Variants in SMYD3 observed in about 807,000 individuals in gnomAD.
SMYD3 encodes histone-lysine N-methyltransferase SMYD3.
In SMYD3, 36 loss-of-function variants were observed where a neutral mutation model predicts 57.7. That is an observed-to-expected ratio of 0.62 (90% CI 0.48 to 0.82). The LOEUF (loss-of-function observed/expected upper bound fraction) is 0.82, where lower values mean the gene tolerates loss of function less well. SMYD3 is among the 40% of genes least tolerant of loss of function. SMYD3 has a pLI of 0.00. For synonymous variants in SMYD3, 211 were observed against 195.0 expected (o/e 1.08, Z -0.68); for missense variants, 515 against 538.8 (o/e 0.96, Z 0.44).
chr1:246,023,280 G>A (rs978251038), intron 5 of SMYD3, among the ~76,000 whole-genome samples: 1 of 152,226 alleles, frequency 6.6e-6, no homozygotes, highest in African/African-American at 2.4e-5. Context: ...GGAGAGCTGT[G>A]TTGGAATGTC....
intron 5 of SMYD3, among the ~76,000 whole-genome samples, chr1:246,224,070 CTGTTT>C (rs2063293315): frequency 1.3e-5 from 2 of 152,054 alleles, no homozygotes; most frequent in African/African-American, 4.8e-5. Flanking sequence ...TTTGGGGGTT[CTGTTT>C]TATCTTTTTT....
intron 1 of SMYD3, among the ~76,000 whole-genome samples, chr1:246,465,217 CTGATGTTTTCT>C (rs1338156460): frequency 6.6e-6 from 1 of 152,210 alleles, no homozygotes; most frequent in Non-Finnish European, 1.5e-5. Context: ...TAAACACCAA[CTGATGTTTTCT>C]TGTCAAATCT....
intron 10 of SMYD3, among the ~76,000 whole-genome samples, chr1:245,839,552 G>A (rs2050291875): frequency 6.6e-6 from 1 of 152,066 alleles, no homozygotes; most frequent in Non-Finnish European, 1.5e-5. Context: ...AAGAGAATGA[G>A]GGGGTGACAG....
chr1:246,393,614 G>C (rs1461635382), intron 1 of SMYD3, among the ~76,000 whole-genome samples: 1 of 149,952 alleles, frequency 6.7e-6, no homozygotes, highest in Non-Finnish European at 1.5e-5. Context: ...CAAAGTAGGA[G>C]GACTGTTTGA....
chr1:245,767,017 T>C (rs1259457286), intron 10 of SMYD3, among the ~76,000 whole-genome samples: 3 of 152,004 alleles, frequency 2.0e-5, no homozygotes, highest in Non-Finnish European at 4.4e-5. Flanking sequence ...ACATAGAGAA[T>C]AAAAATCATG....
In SMYD3 at chr1:245,981,034, G is replaced by C. The variant is rs563071029; in HGVS notation, c.532-51097C>G. Among the ~76,000 whole-genome samples the C allele has an allele frequency of 3.0e-3, 456 of 152,308 alleles. 1 individual carries two copies. The highest frequency in any genetic ancestry group is 9.9e-3 in the African/African-American group (412 of 41,566). On this transcript the variant is annotated intron_variant, in intron 5 of 11. Transcript: ENST00000490107. ...TCACTATCTGACCCTTTAGAGAGAG[G>C]TCTGTTGATCCCTAACTTGGAGTAT... is the stretch of plus-strand genomic sequence containing the variant.
At chr1:246,036,537 CTCTTTT>C (rs2059774524) in intron 5 of SMYD3, among the ~76,000 whole-genome samples, 4 of 97,020 alleles carry the variant, frequency 4.1e-5, no homozygotes, top group East Asian at 1.8e-3. Context: ...TCTTCTTTCT[CTCTTTT>C]TTTTTTTTTT....
At chr1:246,155,266 A>G (rs1572121502) in intron 5 of SMYD3, among the ~76,000 whole-genome samples, 2 of 152,334 alleles carry the variant, frequency 1.3e-5, no homozygotes, top group East Asian at 3.9e-4. Context: ...TACTTTAAAA[A>G]GAAAAAAATA....
intron 5 of SMYD3, among the ~76,000 whole-genome samples, chr1:246,107,908 C>T (rs1343437268): frequency 2.0e-5 from 3 of 152,160 alleles, no homozygotes; most frequent in African/African-American, 7.2e-5. Flanking sequence ...AATAGCCAAA[C>T]TTAAAGAAGA....
intron 5 of SMYD3, among the ~76,000 whole-genome samples, chr1:246,111,136 G>T (rs978441014): frequency 2.0e-5 from 3 of 151,936 alleles, no homozygotes; most frequent in African/African-American, 7.3e-5. Flanking sequence ...ACATGCCGTG[G>T]GCTTTCATAC....
At chr1:245,810,849 C>T (rs986467007) in intron 10 of SMYD3, among the ~76,000 whole-genome samples, 4 of 152,192 alleles carry the variant, frequency 2.6e-5, no homozygotes, top group Non-Finnish European at 4.4e-5. Flanking sequence ...GCCAAAGCCA[C>T]GTGGCCGAGC....
At chr1:246,441,650 C>T (rs1370192599) in intron 1 of SMYD3, among the ~76,000 whole-genome samples, 1 of 152,204 alleles carries the variant, frequency 6.6e-6, no homozygotes, top group African/African-American at 2.4e-5. Flanking sequence ...CTCACTCTGT[C>T]GTCCAGCCTG....
chr1:246,397,922 A>G (rs2066700405), intron 1 of SMYD3, among the ~76,000 whole-genome samples: 1 of 151,598 alleles, frequency 6.6e-6, no homozygotes, highest in Non-Finnish European at 1.5e-5. Flanking sequence ...TAAAAAAAAA[A>G]AAAGCAAGAA....
intron 5 of SMYD3, among the ~76,000 whole-genome samples, chr1:246,085,926 G>A (rs1453615521): frequency 6.6e-6 from 1 of 151,772 alleles, no homozygotes; most frequent in African/African-American, 2.4e-5. Flanking sequence ...TTTTTCCTTG[G>A]TGAAACAAGG....
intron 5 of SMYD3, among the ~76,000 whole-genome samples, chr1:246,110,628 C>CT (rs1254961367): frequency 6.6e-6 from 1 of 152,220 alleles, no homozygotes. Flanking sequence ...TGCTCTCTCT[C>CT]TTTCTTTGGG....
At chr1:246,197,263 C>G (rs7522856) in intron 5 of SMYD3, among the ~76,000 whole-genome samples, 152,333 of 152,334 alleles carry the variant, frequency 1, 76,166 homozygotes, top group Middle Eastern at 1. Context: ...CTCCTTAGGT[C>G]TGGGTGGTGC....
At chr1:246,415,569 CATAA>C (rs1031599990) in intron 1 of SMYD3, among the ~76,000 whole-genome samples, 4 of 152,212 alleles carry the variant, frequency 2.6e-5, no homozygotes, top group Admixed American at 2.0e-4. Context: ...CTAAAAATTA[CATAA>C]ATAAATAAAT....
intron 5 of SMYD3, among the ~76,000 whole-genome samples, chr1:246,103,904 C>G (rs1353929860): frequency 6.6e-6 from 1 of 152,108 alleles, no homozygotes; most frequent in Non-Finnish European, 1.5e-5. Flanking sequence ...TGACTTTATC[C>G]CTCTGTCACC....
At chr1:245,773,242 G>A (rs2046411322) in intron 10 of SMYD3, among the ~76,000 whole-genome samples, 2 of 152,142 alleles carry the variant, frequency 1.3e-5, no homozygotes. Flanking sequence ...CAACACACAG[G>A]AAAGCCTGGA....
Sources: allele counts gnomAD v4.1 joint callset (sites outside exome capture counted in the v4.1 genomes callset), GRCh38; gene constraint gnomAD v4.1.1; transcripts MANE v1.5; gene names NCBI Gene and HGNC (gene_info 2026-07-23, HGNC 2026-07-21).